Variants in WDR70 observed in about 807,000 individuals in gnomAD.
The protein encoded by WDR70 is WD repeat domain 70, also known as WD repeat-containing protein 70.
Under a neutral mutation model 88.6 loss-of-function variants are expected in WDR70, and 53 were observed. The ratio of observed to expected loss-of-function variants is 0.60; its 90% CI spans 0.48 to 0.75. WDR70 has a LOEUF of 0.75. WDR70 is among the 30% of genes least tolerant of loss of function. WDR70 has a pLI of 0.00. For synonymous variants in WDR70, 280 were observed against 270.0 expected, an observed-to-expected ratio of 1.04 and a Z score of -0.36; for missense variants, 610 against 823.2, an observed-to-expected ratio of 0.74 and a Z score of 3.17.
chr5:37,541,604 A>T (rs1266621669), intron 9 of WDR70, among the ~76,000 whole-genome samples: 1 of 152,194 alleles, frequency 6.6e-6, no homozygotes, highest in Non-Finnish European at 1.5e-5. Flanking sequence ...GAGAGAAGAA[A>T]TATGGAAGAA....
chr5:37,504,142 ATGAT>A (rs1192457906), intron 8 of WDR70, among the ~76,000 whole-genome samples: 1 of 152,134 alleles, frequency 6.6e-6, no homozygotes, highest in African/African-American at 2.4e-5. Context: ...TTTTTGTCAT[ATGAT>A]TGATTAGTTA....
intron 9 of WDR70, among the ~76,000 whole-genome samples, chr5:37,600,324 G>A (rs556328866): frequency 6.6e-6 from 1 of 152,114 alleles, no homozygotes; most frequent in African/African-American, 2.4e-5. Context: ...TCAGGAGATC[G>A]AGACCATCCT....
intron 17 of WDR70, among the ~76,000 whole-genome samples, chr5:37,752,188 T>G (rs1047547260): frequency 6.6e-6 from 1 of 152,056 alleles, no homozygotes; most frequent in Non-Finnish European, 1.5e-5. Flanking sequence ...TGGAGGGTGG[T>G]TAGGATGGGT....
chr5:37,380,683 T>C lies in WDR70; in HGVS notation c.92-919T>C, dbSNP rs545721783. On this transcript the variant is annotated intron_variant, in intron 2 of 17. Transcript: ENST00000265107. ...TATTTTTTGAGATGGAGTCTCGCTC[T>C]GTCACCCAGGCTGGAGTGTACTAGT... Among the ~76,000 whole-genome samples, 3 of 151,786 alleles carry C rather than the reference T, an allele frequency of 2.0e-5. No homozygotes were observed. The South Asian group carries it at 6.2e-4, about 32-fold the overall frequency.
At chr5:37,510,473 C>T (rs886660351) in intron 8 of WDR70, among the ~76,000 whole-genome samples, 25 of 152,098 alleles carry the variant, frequency 1.6e-4, no homozygotes, top group African/African-American at 6.0e-4. Flanking sequence ...TCATAATTTT[C>T]TTTTTTAAGA....
At chr5:37,380,488 G>A (rs1748392667) in intron 2 of WDR70, among the ~76,000 whole-genome samples, 2 of 151,856 alleles carry the variant, frequency 1.3e-5, no homozygotes, top group South Asian at 2.1e-4. Flanking sequence ...ACAGGCGCCC[G>A]CCACCTCGCC....
intron 3 of WDR70, among the ~76,000 whole-genome samples, chr5:37,385,222 G>A (rs1748571160): frequency 6.6e-6 from 1 of 151,920 alleles, no homozygotes; most frequent in Non-Finnish European, 1.5e-5. Context: ...CACATCTAGT[G>A]GTTCAGGAGT....
At chr5:37,602,505 G>C (rs1365520899) in intron 9 of WDR70, among the ~76,000 whole-genome samples, 1 of 151,844 alleles carries the variant, frequency 6.6e-6, no homozygotes, top group East Asian at 1.9e-4. Context: ...TACTCGGGAA[G>C]CTGAGGCGGG....
intron 5 of WDR70, among the ~76,000 whole-genome samples, chr5:37,423,427 T>C (rs535359660): frequency 4.0e-5 from 6 of 151,518 alleles, no homozygotes; most frequent in Non-Finnish European, 8.8e-5. Context: ...GTTGCTAATA[T>C]AGGATTTCTT....
At position 37,523,297 on chromosome 5, in the gene WDR70, T is replaced by C. The variant is rs575604133; in HGVS notation, c.917+6707T>C. On this transcript the variant is annotated intron_variant, in intron 9 of 17. Transcript: ENST00000265107. ...TGAGACGAAGCTTCCAGAGGAACGA[T>C]CAGGCAGCAACATTTGCTGTTCAGC... Among the ~76,000 whole-genome samples the C allele has an allele frequency of 2.9e-3, 438 of 152,268 alleles. 1 individual carries two copies. Among genetic ancestry groups the C allele is most frequent in the African/African-American group, 9.9e-3 (410 of 41,560 alleles).
chr5:37,425,116 C>T (rs989236493), intron 5 of WDR70, among the ~76,000 whole-genome samples: 2 of 152,158 alleles, frequency 1.3e-5, no homozygotes, highest in Non-Finnish European at 2.9e-5. Context: ...CGTGGTCATG[C>T]AGGCCTGTGG....
intron 13 of WDR70, among the ~76,000 whole-genome samples, chr5:37,716,152 GT>G (rs1168304286): frequency 2.0e-5 from 3 of 152,194 alleles, no homozygotes; most frequent in Admixed American, 2.0e-4. Flanking sequence ...ACCAGATGGA[GT>G]TTGGTTTACA....
At chr5:37,384,063 C>T (rs577214782) in intron 3 of WDR70, among the ~76,000 whole-genome samples, 256 of 151,970 alleles carry the variant, frequency 1.7e-3, no homozygotes, top group African/African-American at 5.7e-3. Context: ...TTGTATATAC[C>T]TTAAAACGAT....
chr5:37,486,975 C>G (rs945590168), intron 8 of WDR70, among the ~76,000 whole-genome samples: 2 of 151,998 alleles, frequency 1.3e-5, no homozygotes, highest in Non-Finnish European at 2.9e-5. Flanking sequence ...GAAAGGAATC[C>G]GATTGGTTCT....
intron 8 of WDR70, among the ~76,000 whole-genome samples, chr5:37,513,859 G>A (rs1740797519): frequency 6.6e-6 from 1 of 152,018 alleles, no homozygotes; most frequent in Non-Finnish European, 1.5e-5. Flanking sequence ...TGACTCAAAT[G>A]TTAATCTCCT....
chr5:37,611,781 C>CT (rs66689730), intron 10 of WDR70, among the ~76,000 whole-genome samples: 45,896 of 126,574 alleles, frequency 0.36, 7,452 homozygotes, highest in East Asian at 0.55. Context: ...TGATTTCAGC[C>CT]TTTTTTTTTT....
In WDR70 at chr5:37,510,086, C is replaced by A. The variant is rs563237069; in HGVS notation, c.841-6428C>A. Among the ~76,000 whole-genome samples, 1,027 of 148,174 alleles carry A rather than the reference C, an allele frequency of 6.9e-3. 9 individuals are homozygous for A. The highest frequency in any genetic ancestry group is 7.8e-3 in the South Asian group (36 of 4,626). On this transcript the variant is annotated intron_variant, in intron 8 of 17. Coordinates refer to ENST00000265107, the MANE Select transcript of WDR70 (RefSeq NM_018034.4). Reference sequence around the variant, plus strand: ...ATCTGTAAACAAACACTCCCCCCCCCAAAAAAAAACTTAATAAAATTATTT... The same window carrying A: ...ATCTGTAAACAAACACTCCCCCCCCAAAAAAAAAACTTAATAAAATTATTT...
chr5:37,626,460 C>T (rs1283270007), intron 10 of WDR70, among the ~76,000 whole-genome samples: 1 of 152,008 alleles, frequency 6.6e-6, no homozygotes, highest in Non-Finnish European at 1.5e-5. Flanking sequence ...GAGATAAATC[C>T]CACTTGATTA....
chr5:37,659,341 C>G (rs1051644160), intron 10 of WDR70, among the ~76,000 whole-genome samples: 5 of 151,956 alleles, frequency 3.3e-5, no homozygotes, highest in Non-Finnish European at 7.4e-5. Flanking sequence ...TTATTTAATT[C>G]CATGTTTTTG....
Sources: gnomAD v4.1 joint callset for allele counts (sites outside exome capture counted in the v4.1 genomes callset) on GRCh38, gnomAD v4.1.1 for gene constraint, MANE v1.5 for transcripts, NCBI Gene and HGNC (gene_info 2026-07-23, HGNC 2026-07-21) for gene names.